Variants in FBXL17 observed in about 807,000 individuals in gnomAD.
The protein encoded by FBXL17 is F-box/LRR-repeat protein 17.
FBXL17 carries 22 observed loss-of-function variants against 66.2 expected under a neutral mutation model. The observed-to-expected ratio is 0.33, with a 90% CI of 0.24 to 0.47. The LOEUF (loss-of-function observed/expected upper bound fraction) is 0.47, where lower values mean the gene tolerates loss of function less well. FBXL17 is among the 20% of genes least tolerant of loss of function. FBXL17 has a pLI of 1.00. For synonymous variants in FBXL17, 474 were observed against 400.5 expected (o/e 1.18, Z -2.19); for missense variants, 878 against 948.2 (o/e 0.93, Z 0.97).
intron 7 of FBXL17, among the ~76,000 whole-genome samples, chr5:108,013,325 T>G (rs759890062): frequency 3.9e-5 from 6 of 152,228 alleles, no homozygotes; most frequent in Non-Finnish European, 7.3e-5. Flanking sequence ...AATATTTTCA[T>G]AAGGTTTCTT....
intron 7 of FBXL17, among the ~76,000 whole-genome samples, chr5:107,929,784 A>G (rs542249189): frequency 2.2e-4 from 33 of 152,276 alleles, no homozygotes; most frequent in African/African-American, 7.7e-4. Context: ...CTGTATATAC[A>G]AAGGCAAATG....
intron 6 of FBXL17, among the ~76,000 whole-genome samples, chr5:108,048,340 A>G (rs1295713274): frequency 6.6e-6 from 1 of 152,218 alleles, no homozygotes; most frequent in Non-Finnish European, 1.5e-5. Flanking sequence ...AGACAAACTC[A>G]TGAAGATGAG....
intron 4 of FBXL17, among the ~76,000 whole-genome samples, chr5:108,249,501 G>A (rs901018200): frequency 5.3e-5 from 8 of 152,050 alleles, no homozygotes; most frequent in African/African-American, 1.7e-4. Context: ...ACAGCATCAC[G>A]CACATTGATG....
chr5:108,064,375 A>G (rs1410911646), intron 6 of FBXL17, among the ~76,000 whole-genome samples: 2 of 152,196 alleles, frequency 1.3e-5, no homozygotes, highest in African/African-American at 4.8e-5. Flanking sequence ...TGAAATAAAA[A>G]CTGAAGAAAA....
At chr5:108,229,322 T>C in intron 4 of FBXL17, among the ~76,000 whole-genome samples, 1 of 152,052 alleles carries the variant, frequency 6.6e-6, no homozygotes, top group East Asian at 1.9e-4. Flanking sequence ...AACTATACTG[T>C]AAGGCCACAG....
At position 108,348,405 on chromosome 5, in the gene FBXL17, G is replaced by A. The variant is rs1747417578; in HGVS notation, c.1500C>T (p.Asn500=). ...LKLQRIYMQE[N]KLVTDQSVKA... ...GATGATAACAAGTACTTACTAATTTGTTTTCCTGCATGTATATCCTTTGTA... is the reference window on the plus strand; with the variant it reads ...GATGATAACAAGTACTTACTAATTTATTTTCCTGCATGTATATCCTTTGTA... The change falls in exon 4 of 9, where the codon AAC becomes AAT. Residue 500 remains asparagine, a synonymous_variant. Coordinates refer to ENST00000542267, the MANE Select transcript of FBXL17 (RefSeq NM_001163315.3). 2.5e-6 allele frequency: 4 copies of A among 1,611,928 alleles called. No individual in the cohort carries two copies. The highest frequency in any genetic ancestry group is 1.7e-5 in the Admixed American group (1 of 59,972).
intron 6 of FBXL17, among the ~76,000 whole-genome samples, chr5:108,042,719 T>A (rs1415100862): frequency 6.6e-6 from 1 of 152,224 alleles, no homozygotes; most frequent in Non-Finnish European, 1.5e-5. Context: ...CTATAAATAT[T>A]TGTGTATAGA....
intron 4 of FBXL17, among the ~76,000 whole-genome samples, chr5:108,229,840 G>T (rs1001041236): frequency 4.6e-5 from 7 of 152,108 alleles, no homozygotes; most frequent in African/African-American, 1.7e-4. Context: ...CTAATACCCA[G>T]AATCTAGAAG....
chr5:108,290,536 T>C (rs1215190556), intron 4 of FBXL17, among the ~76,000 whole-genome samples: 1 of 152,184 alleles, frequency 6.6e-6, no homozygotes, highest in Non-Finnish European at 1.5e-5. Context: ...TTGGCAAATA[T>C]TGTAAAAAGA....
rs753696689 is a variant in FBXL17 at position 108,224,226 on chromosome 5, C to T, written c.1509G>A (p.Val503=). The T allele has an allele frequency of 3.8e-6, 6 of 1,574,088 alleles. No homozygotes were observed. The African/African-American group carries it at 8.1e-5, about 21-fold the overall frequency. The change falls in exon 5 of 9, where the codon GTG becomes GTA. Residue 503 remains valine, a splice_region_variant and synonymous_variant. Transcript: ENST00000542267. Reference sequence around the variant, plus strand: ...CAAATGCTTTCACTGACTGATCTGTCACCTAGGGAAAAGACATGGATGAAA... The same window carrying T: ...CAAATGCTTTCACTGACTGATCTGTTACCTAGGGAAAAGACATGGATGAAA... ...QRIYMQENKL[V]TDQSVKAFAE... is the part of the protein sequence containing the mutation.
At chr5:108,188,314 A>C (rs998440572) in intron 5 of FBXL17, among the ~76,000 whole-genome samples, 5 of 152,224 alleles carry the variant, frequency 3.3e-5, no homozygotes, top group African/African-American at 1.2e-4. Context: ...CCACAACAGC[A>C]GGTAAATTCT....
chr5:108,307,797 A>G (rs73214593), intron 4 of FBXL17, among the ~76,000 whole-genome samples: 2,313 of 151,108 alleles, frequency 0.015, 56 homozygotes, highest in African/African-American at 0.051. Flanking sequence ...AAAATAAGAC[A>G]GCTAAAGAAA....
chr5:108,218,564 C>T (rs1257933321), intron 5 of FBXL17, among the ~76,000 whole-genome samples: 1 of 152,132 alleles, frequency 6.6e-6, no homozygotes, highest in Non-Finnish European at 1.5e-5. Flanking sequence ...AAGAGCTCCC[C>T]TTTTCCTACA....
intron 6 of FBXL17, among the ~76,000 whole-genome samples, chr5:108,031,298 T>A (rs1032385455): frequency 6.6e-6 from 1 of 152,064 alleles, no homozygotes; most frequent in Non-Finnish European, 1.5e-5. Flanking sequence ...GAAATTCATA[T>A]AAAACTATAA....
At chr5:107,988,186 G>T (rs981486969) in intron 7 of FBXL17, among the ~76,000 whole-genome samples, 1 of 151,868 alleles carries the variant, frequency 6.6e-6, no homozygotes, top group African/African-American at 2.4e-5. Flanking sequence ...TATATCCTGC[G>T]TATAATACAG....
intron 4 of FBXL17, among the ~76,000 whole-genome samples, chr5:108,225,823 G>A (rs559469100): frequency 1.3e-5 from 2 of 152,224 alleles, no homozygotes; most frequent in South Asian, 4.1e-4. Flanking sequence ...TCAATTAAAT[G>A]GTCAATCTCA....
intron 7 of FBXL17, among the ~76,000 whole-genome samples, chr5:108,003,178 A>G (rs1479444105): frequency 6.6e-6 from 1 of 152,224 alleles, no homozygotes; most frequent in Non-Finnish European, 1.5e-5. Flanking sequence ...GCCATGTGTG[A>G]TAAGGGGAAA....
chr5:108,127,979 C>T (rs1428700858), intron 6 of FBXL17, among the ~76,000 whole-genome samples: 1 of 152,046 alleles, frequency 6.6e-6, no homozygotes, highest in African/African-American at 2.4e-5. Flanking sequence ...GGTGCAGTGC[C>T]TCATGTCTAT....
chr5:108,218,192 T>C (rs1023029666), intron 5 of FBXL17, among the ~76,000 whole-genome samples: 4 of 151,790 alleles, frequency 2.6e-5, no homozygotes, highest in Admixed American at 2.6e-4. Flanking sequence ...ATTTTTTTAG[T>C]AGAGATGGGG....
Sources: gnomAD v4.1 joint callset for allele counts (sites outside exome capture counted in the v4.1 genomes callset) on GRCh38, gnomAD v4.1.1 for gene constraint, MANE v1.5 for transcripts, NCBI Gene and HGNC (gene_info 2026-07-23, HGNC 2026-07-21) for gene names.